The following RICTOR variants were observed in gnomAD, a reference collection of about 807,000 sequenced individuals.
RICTOR encodes the protein rapamycin-insensitive companion of mTOR.
A neutral mutation model predicts 214.9 loss-of-function variants in RICTOR; 49 were observed. The observed-to-expected ratio is 0.23, with a 90% CI of 0.18 to 0.29. RICTOR has a LOEUF of 0.29. Ranked by LOEUF, RICTOR falls within the 10% of genes least tolerant of loss-of-function variation. The pLI is 1.00. For synonymous variants in RICTOR, 717 were observed against 711.3 expected (o/e 1.01, Z -0.13); for missense variants, 1,625 against 2,047.0 (o/e 0.79, Z 3.98).
At position 38,962,937 on chromosome 5, in the gene RICTOR, A is replaced by G. The variant is rs770577939; in HGVS notation, c.1505T>C (p.Ile502Thr). Residue 502 changes from isoleucine (I) to threonine (T), a missense_variant, in exon 17 of 38, where the codon ATT becomes ACT. Ile to Thr is a moderately conservative substitution (Grantham distance 89). Around this residue, in one of 5 missense-constraint regions of RICTOR, gnomAD observed 1,214 missense variants for 1,470.5 expected, o/e 0.83. Coordinates refer to ENST00000357387, the MANE Select transcript of RICTOR (RefSeq NM_152756.5). The part of the protein sequence containing the change: ...LHLDHIIQKA[I>T]ATHQKRDQYL... ...CTGATCCCGTTTCTGGTGTGTTGCA[A>G]TTGCTTTCTGAATAATGTGGTCTAA... The G allele has an allele frequency of 6.2e-7, 1 of 1,612,954 alleles. No homozygotes were observed. Among genetic ancestry groups the G allele is most frequent in the East Asian group, 2.2e-5 (1 of 44,824 alleles).
chr5:39,049,953 G>A (rs1055898605), intron 2 of RICTOR, among the ~76,000 whole-genome samples: 27 of 152,016 alleles, frequency 1.8e-4, no homozygotes, highest in African/African-American at 6.5e-4. Context: ...ACAAAATGGG[G>A]GAAATGCAAT....
intron 7 of RICTOR, among the ~76,000 whole-genome samples, chr5:38,990,025 T>G (rs1752467372): frequency 6.6e-6 from 1 of 152,006 alleles, no homozygotes; most frequent in Non-Finnish European, 1.5e-5. Flanking sequence ...CATTGTACTA[T>G]AGAGGCACAT....
intron 2 of RICTOR, among the ~76,000 whole-genome samples, chr5:39,036,228 TGAA>T (rs1418635180): frequency 6.6e-6 from 1 of 151,992 alleles, no homozygotes; most frequent in Non-Finnish European, 1.5e-5. Context: ...GCTTCATAAG[TGAA>T]GGAGAAATAA....
chr5:39,028,175 C>CTTTTTTTTTT (rs70982535), intron 2 of RICTOR, among the ~76,000 whole-genome samples: 6 of 78,404 alleles, frequency 7.7e-5, no homozygotes, highest in African/African-American at 1.5e-4. Context: ...AACTGGAATT[C>CTTTTTTTTTT]TTTTTTTTTT....
chr5:39,041,753 A>G (rs1757185338), intron 2 of RICTOR, among the ~76,000 whole-genome samples: 1 of 152,072 alleles, frequency 6.6e-6, no homozygotes, highest in African/African-American at 2.4e-5. Flanking sequence ...GTAAATAACA[A>G]CTAACCTTAC....
chr5:38,942,693 C>A, intron 37 of RICTOR, 140 bp downstream of exon 37: 2 of 629,218 alleles, frequency 3.2e-6, no homozygotes, highest in African/African-American at 1.8e-5. Context: ...TGGGCTCAAG[C>A]AATTCTCCCG....
chr5:39,013,217 A>G (rs182598124), intron 3 of RICTOR, among the ~76,000 whole-genome samples: 17 of 152,340 alleles, frequency 1.1e-4, no homozygotes, highest in Non-Finnish European at 2.9e-5. Flanking sequence ...TCTTAAGTCC[A>G]CAATTATTTT....
intron 2 of RICTOR, among the ~76,000 whole-genome samples, chr5:39,051,774 T>C: frequency 6.6e-6 from 1 of 151,964 alleles, no homozygotes. Flanking sequence ...AATGTGATTT[T>C]TGATTTTCCC....
chr5:38,962,652 C>T (rs1485213957), intron 17 of RICTOR, 66 bp from the exon 18 acceptor site: 13 of 963,644 alleles, frequency 1.3e-5, no homozygotes, highest in Non-Finnish European at 1.9e-5. Context: ...AAACTAAGTT[C>T]AAATTTGAAA....
chr5:38,958,496 C>T lies in RICTOR; in HGVS notation c.2367G>A (p.Gln789=). 2 of 1,612,438 alleles carry T rather than the reference C, an allele frequency of 1.2e-6. No homozygotes were observed. The highest frequency in any genetic ancestry group is 1.7e-6 in the Non-Finnish European group (2 of 1,178,796). Residue 789 remains glutamine (Q), a synonymous_variant, in exon 24 of 38, where the codon CAG becomes CAA. Transcript: ENST00000357387. ...CAAGGTGGGATAACGCTGGTTTCATCTGAATGAGAGCATGAAGATTGGCCT... is the reference window on the plus strand; with the variant it reads ...CAAGGTGGGATAACGCTGGTTTCATTTGAATGAGAGCATGAAGATTGGCCT... ...EDKANLHALI[Q]MKPALSHLGD...
intron 2 of RICTOR, among the ~76,000 whole-genome samples, chr5:39,046,028 A>AAATAAAT (rs1757467685): frequency 7.3e-4 from 103 of 140,266 alleles, no homozygotes; most frequent in South Asian, 1.1e-3. Context: ...TCTGTCTTTA[A>AAATAAAT]AAATAAATAA....
intron 2 of RICTOR, among the ~76,000 whole-genome samples, chr5:39,038,724 AAAG>A (rs1366470472): frequency 1.3e-3 from 191 of 142,132 alleles, no homozygotes; most frequent in South Asian, 2.5e-3. Flanking sequence ...CAATTGCTTC[AAAG>A]AGAATAAAAT....
chr5:39,038,601 T>C (rs1245821084), intron 2 of RICTOR, among the ~76,000 whole-genome samples: 1 of 152,264 alleles, frequency 6.6e-6, no homozygotes, highest in Non-Finnish European at 1.5e-5. Flanking sequence ...CTCCTTAAGC[T>C]GATAAGTAAC....
chr5:39,031,426 C>T lies in RICTOR; in HGVS notation c.98-10290G>A, dbSNP rs1434626494. ...ATTTACTCCTCTCTAAAGTTTCTGACATCTTTTCCTTTTTTTAAATTCTAT... is the reference window on the plus strand; with the variant it reads ...ATTTACTCCTCTCTAAAGTTTCTGATATCTTTTCCTTTTTTTAAATTCTAT... On this transcript the variant is annotated intron_variant, in intron 2 of 37. Coordinates refer to ENST00000357387, the MANE Select transcript of RICTOR (RefSeq NM_152756.5). Among the ~76,000 whole-genome samples, 6 of 152,144 alleles carry T rather than the reference C, an allele frequency of 3.9e-5. No individual in the cohort carries two copies. The East Asian group carries it at 1.2e-3, about 29-fold the overall frequency.
chr5:39,054,088 G>GA (rs1446527386), intron 2 of RICTOR, among the ~76,000 whole-genome samples: 2 of 151,842 alleles, frequency 1.3e-5, no homozygotes, highest in Non-Finnish European at 2.9e-5. Flanking sequence ...TCTCAAAAAA[G>GA]AAAGAAAGAA....
At chr5:38,999,264 A>G (rs893820194) in intron 5 of RICTOR, among the ~76,000 whole-genome samples, 5 of 152,006 alleles carry the variant, frequency 3.3e-5, no homozygotes, top group African/African-American at 1.2e-4. Flanking sequence ...ATGGAGTACC[A>G]ATCAATAGGA....
Position 38,943,305 on chromosome 5 carries a change from T to C in RICTOR, c.4914-334A>G, listed in dbSNP as rs1486433831. 2.2e-5 allele frequency: 4 copies of C among 179,270 alleles called. No individual in the cohort carries two copies. The Admixed American group carries it at 2.3e-4, about 11-fold the overall frequency. The allele number at this position is 179,270 out of a possible 1,614,324, so 11.1% of individuals were successfully genotyped here. ...TCCAAATTAAGTTTTAAAATAGAAA[T>C]ACATCTTTAAAGTTAAGTTATTAAC... On this transcript the variant is annotated intron_variant, in intron 36 of 37. Coordinates refer to ENST00000357387, the MANE Select transcript of RICTOR (RefSeq NM_152756.5).
intron 6 of RICTOR, among the ~76,000 whole-genome samples, chr5:38,993,783 T>C (rs1008067406): frequency 1.3e-5 from 2 of 152,148 alleles, no homozygotes; most frequent in Admixed American, 1.3e-4. Flanking sequence ...AAAAACTTTC[T>C]GAGACTGACA....
intron 2 of RICTOR, among the ~76,000 whole-genome samples, chr5:39,051,828 T>C (rs949106955): frequency 2.6e-5 from 4 of 152,138 alleles, no homozygotes; most frequent in African/African-American, 9.7e-5. Context: ...ATTAGGAATG[T>C]ATATTTTCAA....
Sources: gnomAD v4.1 joint callset for allele counts (sites outside exome capture counted in the v4.1 genomes callset) on GRCh38, gnomAD v4.1.1 for gene constraint, gnomAD v4.1.1 regional missense constraint, MANE v1.5 for transcripts, NCBI Gene and HGNC (gene_info 2026-07-23, HGNC 2026-07-21) for gene names.